STAMBPL1: variants seen among roughly 807,000 people sequenced by gnomAD.
STAMBPL1 encodes STAM binding protein like 1.
In STAMBPL1, 44 loss-of-function variants were observed where a neutral mutation model predicts 52.9. The ratio of observed to expected loss-of-function variants is 0.83; its 90% CI spans 0.65 to 1.07. STAMBPL1 has a LOEUF of 1.07. STAMBPL1 is among the 50% of genes least tolerant of loss of function. The pLI, the probability that STAMBPL1 is intolerant of heterozygous loss-of-function variation, is 0.00. For missense variants in STAMBPL1, 511 were observed against 520.8 expected (o/e 0.98, Z 0.18); for synonymous variants, 164 against 177.3 (o/e 0.92, Z 0.60).
rs748486717 is a variant in STAMBPL1 at position 88,923,261 on chromosome 10, C to T, written c.*37C>T. 6.4e-7 allele frequency: 1 copy of T among 1,564,960 alleles called. No homozygotes were observed. The highest frequency in any genetic ancestry group is 8.6e-7 in the Non-Finnish European group (1 of 1,162,670). ...TGTAAGCACCGTCAACATCAGACACCTACTCATGGACATGTGGTTGCCGGA... is the reference window on the plus strand; with the variant it reads ...TGTAAGCACCGTCAACATCAGACACTTACTCATGGACATGTGGTTGCCGGA... On this transcript the variant is annotated 3_prime_UTR_variant, in exon 11 of 11. Coordinates refer to ENST00000371926, the MANE Select transcript of STAMBPL1 (RefSeq NM_020799.4).
At chr10:88,895,576 C>A (rs1166700188) in intron 1 of STAMBPL1, among the ~76,000 whole-genome samples, 2 of 152,208 alleles carry the variant, frequency 1.3e-5, no homozygotes, top group East Asian at 3.8e-4. Context: ...CTTTGAGTTT[C>A]TTCCTGCAAG....
chr10:88,880,472 G>T lies in STAMBPL1; in HGVS notation c.-220G>T, dbSNP rs1844372448. Reference sequence around the variant, plus strand: ...GAGGCACGGCCGAGGCAAACGAGCGGACGCCTCGTCGCCGGGTGCCGGTAT... The same window carrying T: ...GAGGCACGGCCGAGGCAAACGAGCGTACGCCTCGTCGCCGGGTGCCGGTAT... On this transcript the variant is annotated 5_prime_UTR_variant, in exon 1 of 11. Coordinates refer to ENST00000371926, the MANE Select transcript of STAMBPL1 (RefSeq NM_020799.4). The T allele has an allele frequency of 6.6e-6, 1 of 152,268 alleles. No individual in the cohort carries two copies. Among genetic ancestry groups the T allele is most frequent in the Non-Finnish European group, 1.5e-5 (1 of 68,064 alleles). The allele number at this position is 152,268 out of a possible 1,614,324, so 9.4% of individuals were successfully genotyped here. A position where few individuals can be genotyped will look rare whatever the true frequency, so the allele number is the denominator to read the frequency against.
chr10:88,914,996 G>T (rs1589376723), intron 7 of STAMBPL1, among the ~76,000 whole-genome samples: 1 of 152,034 alleles, frequency 6.6e-6, no homozygotes, highest in Admixed American at 6.6e-5. Flanking sequence ...CATTGTAATT[G>T]TTAGTTTCAC....
chr10:88,890,979 G>A (rs747432830), intron 1 of STAMBPL1, among the ~76,000 whole-genome samples: 4 of 152,122 alleles, frequency 2.6e-5, no homozygotes, highest in East Asian at 1.9e-4. Context: ...TAAGTGCCTC[G>A]TTTGGGCAGA....
rs867443773 is a variant in STAMBPL1, at chr10:88,910,195, A to G, written c.325-721A>G. 1.1e-4 allele frequency among the ~76,000 whole-genome samples: 17 copies of G among 152,348 alleles called. No homozygotes were observed. The Middle Eastern group carries it at 0.01, about 91-fold the overall frequency. ...GGATTAAGAGAATAGAAATTTGGTG[A>G]AAGAGCTAGAGTCAGGAGACTTGAG... On this transcript the variant is annotated intron_variant, in intron 4 of 10. Transcript: ENST00000371926.
chr10:88,912,539 C>T (rs560653892), intron 5 of STAMBPL1: 9 of 148,374 alleles, frequency 6.1e-5, no homozygotes, highest in Admixed American at 3.4e-4. Flanking sequence ...GAGTCAAATG[C>T]GAAAGGTTCT....
At chr10:88,898,052 C>T (rs1401927633) in intron 1 of STAMBPL1, among the ~76,000 whole-genome samples, 1 of 152,102 alleles carries the variant, frequency 6.6e-6, no homozygotes, top group African/African-American at 2.4e-5. Context: ...ATTGAGGTAG[C>T]ATAGTGAGTT....
rs371084787 is a variant in STAMBPL1, at chr10:88,922,370, G to T, written c.1188G>T (p.Met396Ile). The change falls in exon 10 of 11, where the codon ATG (methionine) becomes ATT (isoleucine). Residue 396 changes from methionine to isoleucine, a missense_variant. Around this residue, in one of 3 missense-constraint regions of STAMBPL1, gnomAD observed 137 missense variants for 139.9 expected, o/e 0.98. Coordinates refer to ENST00000371926, the MANE Select transcript of STAMBPL1 (RefSeq NM_020799.4). ...TGIFRLTNAG[M>I]LEVSACKKKG... ...TCTTCAGGCTCACCAATGCTGGCATGCTTGAGGTTTCTGCTTGTAAAAAAA... is the reference window on the plus strand; with the variant it reads ...TCTTCAGGCTCACCAATGCTGGCATTCTTGAGGTTTCTGCTTGTAAAAAAA... The T allele has an allele frequency of 1.2e-6, 2 of 1,613,254 alleles. No homozygotes were observed. The highest frequency in any genetic ancestry group is 8.5e-7 in the Non-Finnish European group (1 of 1,179,660).
At chr10:88,911,042 C>A in intron 5 of STAMBPL1, 31 bp downstream of exon 5, 1 of 1,337,334 alleles carries the variant, frequency 7.5e-7, no homozygotes, top group Non-Finnish European at 1.0e-6. Flanking sequence ...TATTTCATGA[C>A]TATTTTATGT....
chr10:88,916,038 C>T (rs1339716858), intron 7 of STAMBPL1, among the ~76,000 whole-genome samples: 4 of 152,094 alleles, frequency 2.6e-5, no homozygotes, highest in Non-Finnish European at 5.9e-5. Flanking sequence ...TGGCACTTCA[C>T]AACCCTCTTC....
chr10:88,921,472 G>C, intron 9 of STAMBPL1, 77 bp downstream of exon 9: 1 of 1,186,904 alleles, frequency 8.4e-7, no homozygotes, highest in East Asian at 2.4e-5. Context: ...CAGACACCAG[G>C]TTGTGGTACT....
At chr10:88,887,926 A>G (rs1844579484) in intron 1 of STAMBPL1, among the ~76,000 whole-genome samples, 1 of 152,196 alleles carries the variant, frequency 6.6e-6, no homozygotes, top group African/African-American at 2.4e-5. Flanking sequence ...TTATATTCAA[A>G]TTCTTTCTTC....
intron 6 of STAMBPL1, among the ~76,000 whole-genome samples, 200 bp downstream of exon 6, chr10:88,913,658 G>A (rs1845289203): frequency 6.6e-6 from 1 of 152,132 alleles, no homozygotes; most frequent in South Asian, 2.1e-4. Flanking sequence ...GAAATATGAT[G>A]CCCCCGATAG....
intron 2 of STAMBPL1, among the ~76,000 whole-genome samples, chr10:88,904,264 G>A (rs537979509): frequency 2.0e-5 from 3 of 152,286 alleles, no homozygotes; most frequent in African/African-American, 7.2e-5. Context: ...AACTGTACAG[G>A]CATAAGTACC....
At chr10:88,907,336 A>G (rs866206384) in intron 3 of STAMBPL1, among the ~76,000 whole-genome samples, 6 of 152,208 alleles carry the variant, frequency 3.9e-5, no homozygotes, top group South Asian at 2.1e-4. Flanking sequence ...AATTTAGAGA[A>G]TGGTTGGCAA....
At chr10:88,922,946 G>A (rs892773131) in intron 10 of STAMBPL1, among the ~76,000 whole-genome samples, 8 of 151,486 alleles carry the variant, frequency 5.3e-5, no homozygotes, top group South Asian at 2.1e-4. Flanking sequence ...TTATATTGAC[G>A]TTAGAATTTA....
chr10:88,914,673 T>C lies in STAMBPL1; in HGVS notation c.903+15T>C, dbSNP rs761990364. 1.9e-6 allele frequency: 2 copies of C among 1,051,066 alleles called. No individual in the cohort carries two copies. Among genetic ancestry groups the C allele is most frequent in the Non-Finnish European group, 2.5e-6 (2 of 813,860 alleles). 65.1% of individuals were successfully genotyped at this position (1,051,066 alleles called of 1,614,324 possible). A position where few individuals can be genotyped will look rare whatever the true frequency, so the allele number is the denominator to read the frequency against. ...GTGGAAAACTGGTATGATCTTTTTATATAAATATATATATATATATATCTG... is the reference window on the plus strand; with the variant it reads ...GTGGAAAACTGGTATGATCTTTTTACATAAATATATATATATATATATCTG... On this transcript the variant is annotated intron_variant, in intron 7 of 10. Coordinates refer to ENST00000371926, the MANE Select transcript of STAMBPL1 (RefSeq NM_020799.4).
intron 9 of STAMBPL1, 113 bp downstream of exon 9, chr10:88,921,508 C>T (rs576217628): frequency 1.4e-5 from 11 of 766,600 alleles, no homozygotes; most frequent in East Asian, 7.9e-5. Flanking sequence ...ACAACGCCCT[C>T]GGGAAAAAGA....
chr10:88,890,100 G>A (rs545137314), intron 1 of STAMBPL1, among the ~76,000 whole-genome samples: 1 of 152,346 alleles, frequency 6.6e-6, no homozygotes, highest in East Asian at 1.9e-4. Context: ...TGGGTAGAAA[G>A]TGGAAGTATG....
Sources: gnomAD v4.1 joint callset for allele counts (sites outside exome capture counted in the v4.1 genomes callset) on GRCh38, gnomAD v4.1.1 for gene constraint, gnomAD v4.1.1 regional missense constraint, MANE v1.5 for transcripts, NCBI Gene and HGNC (gene_info 2026-07-23, HGNC 2026-07-21) for gene names.